LRRK1: variants seen among roughly 807,000 people sequenced by gnomAD.
LRRK1 encodes leucine rich repeat kinase 1.
Under a neutral mutation model 209.1 loss-of-function variants are expected in LRRK1, and 113 were observed. That is an observed-to-expected ratio of 0.54 (90% confidence interval 0.46 to 0.63). LRRK1 has a LOEUF of 0.63. Ranked by LOEUF, LRRK1 falls within the 30% of genes least tolerant of loss-of-function variation. LRRK1 has a pLI of 0.00. For missense variants in LRRK1, 2,284 were observed against 2,632.2 expected (o/e 0.87, Z 2.89); for synonymous variants, 1,144 against 1,099.7 (o/e 1.04, Z -0.80).
intron 6 of LRRK1, among the ~76,000 whole-genome samples, chr15:101,002,581 G>T (rs79848762): frequency 0.046 from 7,017 of 152,226 alleles, 206 homozygotes; most frequent in Middle Eastern, 0.075. Flanking sequence ...TAGCCTTCAT[G>T]GATAGGATTA....
intron 2 of LRRK1, among the ~76,000 whole-genome samples, chr15:100,944,899 A>T (rs558029006): frequency 1.3e-5 from 2 of 152,360 alleles, no homozygotes; most frequent in African/African-American, 4.8e-5. Flanking sequence ...TTTATAAGTA[A>T]AGAAGCAAAA....
intron 2 of LRRK1, among the ~76,000 whole-genome samples, chr15:100,950,756 T>C (rs917294744): frequency 6.6e-6 from 1 of 152,220 alleles, no homozygotes; most frequent in Non-Finnish European, 1.5e-5. Flanking sequence ...AAAGGACTTG[T>C]ATCTGATTAT....
intron 33 of LRRK1, chr15:101,067,142 A>G: frequency 2.4e-6 from 1 of 409,280 alleles, no homozygotes; most frequent in Non-Finnish European, 5.0e-6. Flanking sequence ...GACAGATGAC[A>G]CAGGCACACC....
At chr15:100,985,607 A>T (rs1299727248) in intron 4 of LRRK1, among the ~76,000 whole-genome samples, 2 of 152,090 alleles carry the variant, frequency 1.3e-5, no homozygotes, top group African/African-American at 4.8e-5. Flanking sequence ...TTGCAGAGTG[A>T]ATAGGAGTTT....
At chr15:101,042,152 C>T (rs1175642207) in intron 20 of LRRK1, among the ~76,000 whole-genome samples, 1 of 152,222 alleles carries the variant, frequency 6.6e-6, no homozygotes, top group Non-Finnish European at 1.5e-5. Flanking sequence ...CTGGTATAAT[C>T]TCTTTTCATC....
In LRRK1 at chr15:101,074,440, G is replaced by A. The variant is rs576537493; in HGVS notation, c.*5592G>A. On this transcript the variant is annotated 3_prime_UTR_variant, in exon 34 of 34. Transcript: ENST00000388948. Reference sequence around the variant, plus strand: ...TTTTCTTTATCCCAAATCAGATAGCGTTTAGGCTCTTTTTCATCAAATATA... The same window carrying A: ...TTTTCTTTATCCCAAATCAGATAGCATTTAGGCTCTTTTTCATCAAATATA... The A allele has an allele frequency of 2.0e-5, 3 of 152,144 alleles. No individual in the cohort carries two copies. The highest frequency in any genetic ancestry group is 6.5e-5 in the Admixed American group (1 of 15,282). 9.4% of individuals were successfully genotyped at this position (152,144 alleles called of 1,614,324 possible). A position where few individuals can be genotyped will look rare whatever the true frequency, so the allele number is the denominator to read the frequency against.
At chr15:101,049,388 C>T (rs1442885206) in intron 22 of LRRK1, 3 of 412,748 alleles carry the variant, frequency 7.3e-6, no homozygotes, top group East Asian at 4.2e-5. Flanking sequence ...TAGGGCCTCA[C>T]CTGAGGGTCA....
intron 2 of LRRK1, among the ~76,000 whole-genome samples, chr15:100,961,649 C>CAAA (rs10560323): frequency 4.9e-5 from 7 of 142,788 alleles, no homozygotes; most frequent in Admixed American, 7.0e-5. Flanking sequence ...GAGACTCCGT[C>CAAA]AAAAAAAAAA....
intron 1 of LRRK1, among the ~76,000 whole-genome samples, chr15:100,923,520 T>TA (rs1290538200): frequency 1.3e-5 from 2 of 152,222 alleles, no homozygotes; most frequent in Non-Finnish European, 2.9e-5. Flanking sequence ...AGAACAAGGA[T>TA]AGGCGCACAT....
chr15:101,058,803 G>GAGTT (rs1412700347), intron 29 of LRRK1, among the ~76,000 whole-genome samples: 2 of 151,970 alleles, frequency 1.3e-5, no homozygotes, highest in Admixed American at 6.6e-5. Context: ...AAAAACTCAA[G>GAGTT]AGTTATGGTT....
intron 3 of LRRK1, among the ~76,000 whole-genome samples, chr15:100,981,859 C>G (rs527706515): frequency 6.6e-6 from 1 of 152,238 alleles, no homozygotes; most frequent in African/African-American, 2.4e-5. Context: ...TCCTGCCCAA[C>G]TTACCTAAAA....
intron 3 of LRRK1, among the ~76,000 whole-genome samples, chr15:100,979,944 A>T (rs1412325793): frequency 6.6e-6 from 1 of 152,244 alleles, no homozygotes; most frequent in African/African-American, 2.4e-5. Context: ...TCAGATTGGG[A>T]TGCAGAGAAG....
chr15:101,050,278 G>A (rs1399622986), intron 23 of LRRK1, among the ~76,000 whole-genome samples: 3 of 152,168 alleles, frequency 2.0e-5, no homozygotes, highest in African/African-American at 7.2e-5. Flanking sequence ...CACTAACACC[G>A]CCCTTCTCAG....
chr15:100,930,835 A>T (rs76393464), intron 2 of LRRK1, among the ~76,000 whole-genome samples: 1,772 of 152,324 alleles, frequency 0.012, 19 homozygotes, highest in Middle Eastern at 0.044. Context: ...TTTTTATGAA[A>T]TTCTTTAGTT....
chr15:100,951,155 A>C (rs2042643887), intron 2 of LRRK1, among the ~76,000 whole-genome samples: 1 of 152,242 alleles, frequency 6.6e-6, no homozygotes, highest in Non-Finnish European at 1.5e-5. Flanking sequence ...TATCCAAAGA[A>C]GATGTGAAAA....
At chr15:101,011,474 C>CAAAAAAAA (rs35220453) in intron 9 of LRRK1, among the ~76,000 whole-genome samples, 1 of 78,230 alleles carries the variant, frequency 1.3e-5, no homozygotes, top group African/African-American at 5.3e-5. Context: ...GACTCTGTCT[C>CAAAAAAAA]AAAAAAAAAA....
At chr15:100,970,753 T>A (rs2030811180) in intron 2 of LRRK1, among the ~76,000 whole-genome samples, 1 of 152,208 alleles carries the variant, frequency 6.6e-6, no homozygotes, top group African/African-American at 2.4e-5. Context: ...GATTATTGAA[T>A]CTATAGATAA....
intron 2 of LRRK1, among the ~76,000 whole-genome samples, chr15:100,968,721 C>T (rs550994470): frequency 1.4e-3 from 20 of 14,152 alleles, no homozygotes; most frequent in African/African-American, 3.1e-3. Flanking sequence ...CTTCCTTCCT[C>T]CCTTCCCTTC....
rs1387346638 is a variant in LRRK1, at chr15:101,053,287, G to T, written c.3921G>T (p.Glu1307Asp). 6.2e-7 allele frequency: 1 copy of T among 1,606,642 alleles called. No homozygotes were observed. Among genetic ancestry groups the T allele is most frequent in the East Asian group, 2.2e-5 (1 of 44,874 alleles). ...AMKNFSEFRQ[E>D]ASMLHALQHP... The stretch of plus-strand genomic sequence containing the variant: ...AGAACTTCTCCGAGTTCCGGCAGGA[G>T]GCCAGCATGCTGCACGCGCTGCAGC... The change falls in exon 26 of 34, where the codon GAG (glutamate) becomes GAT (aspartate). Residue 1307 changes from glutamate (E) to aspartate (D), a missense_variant. Physicochemically the swap from Glu to Asp is conservative, Grantham distance 45. This residue lies in a region of LRRK1 where 780 missense variants were observed against 985.2 expected (regional missense o/e 0.79). Transcript: ENST00000388948.
Sources: gnomAD v4.1 joint callset for allele counts (sites outside exome capture counted in the v4.1 genomes callset) on GRCh38, gnomAD v4.1.1 for gene constraint, gnomAD v4.1.1 regional missense constraint, MANE v1.5 for transcripts, NCBI Gene and HGNC (gene_info 2026-07-23, HGNC 2026-07-21) for gene names.